EFR3A: variants seen among roughly 807,000 people sequenced by gnomAD.
EFR3A encodes protein EFR3 homolog A.
EFR3A carries 76 observed loss-of-function variants against 104.4 expected under a neutral mutation model. That is an observed-to-expected ratio of 0.73 (90% CI 0.60 to 0.88). The LOEUF is 0.88. Ranked by LOEUF, EFR3A falls within the 40% of genes least tolerant of loss-of-function variation. EFR3A has a pLI of 0.00. For missense variants in EFR3A, 985 were observed against 1,012.5 expected, an observed-to-expected ratio of 0.97 and a Z score of 0.37; for synonymous variants, 330 against 330.0, an observed-to-expected ratio of 1.00 and a Z score of 0.00.
intron 3 of EFR3A, among the ~76,000 whole-genome samples, chr8:131,946,227 T>C (rs1475663437): frequency 3.3e-5 from 5 of 152,054 alleles, no homozygotes; most frequent in Non-Finnish European, 5.9e-5. Context: ...ACAAAGTTAA[T>C]GTTAAGCTCA....
chr8:131,957,348 G>GTTTTTTTTTT (rs1182295730), intron 7 of EFR3A, among the ~76,000 whole-genome samples: 5 of 142,020 alleles, frequency 3.5e-5, no homozygotes, highest in African/African-American at 1.4e-4. Flanking sequence ...TAGGGCCAGG[G>GTTTTTTTTTT]TCTTTTTTTT....
Position 131,968,346 on chromosome 8 carries a change from C to A in EFR3A, c.907C>A (p.Arg303Ser), listed in dbSNP as rs922734695. Reference protein sequence around the residue: ...IQEILGHLDARKKDAPRVRAG... With the variant: ...IQEILGHLDASKKDAPRVRAG... ...GGAGATTCTAGGACACCTTGATGCT[C>A]GTAAAAAAGATGCTCCCCGGGTTCG... Residue 303 changes from arginine (R) to serine (S), a missense_variant, in exon 9 of 23, where the codon CGT becomes AGT. By Grantham distance (110) the Arg-to-Ser change is moderately radical (BLOSUM62 -1). Coordinates refer to ENST00000254624, the MANE Select transcript of EFR3A (RefSeq NM_015137.6). The A allele has an allele frequency of 3.1e-6, 5 of 1,613,286 alleles. No homozygotes were observed. The highest frequency in any genetic ancestry group is 3.4e-6 in the Non-Finnish European group (4 of 1,179,526).
chr8:131,976,989 A>T, intron 11 of EFR3A, 52 bp from the exon 12 acceptor site: 1 of 1,228,850 alleles, frequency 8.1e-7, no homozygotes, highest in Non-Finnish European at 1.2e-6. Context: ...GAAGTAAATG[A>T]AGTAATATAA....
At chr8:131,969,627 A>G (rs1490930064) in intron 9 of EFR3A, among the ~76,000 whole-genome samples, 1 of 151,352 alleles carries the variant, frequency 6.6e-6, no homozygotes, top group African/African-American at 2.4e-5. Flanking sequence ...GACCAACTGT[A>G]TTCCTTTGTT....
chr8:131,965,195 C>T (rs1037435208), intron 8 of EFR3A, among the ~76,000 whole-genome samples: 3 of 152,110 alleles, frequency 2.0e-5, no homozygotes, highest in African/African-American at 7.2e-5. Flanking sequence ...GCAATGGCAA[C>T]AAAAGCCACA....
At chr8:131,908,209 T>C (rs1176448991) in intron 1 of EFR3A, among the ~76,000 whole-genome samples, 1 of 152,034 alleles carries the variant, frequency 6.6e-6, no homozygotes, top group Non-Finnish European at 1.5e-5. Context: ...TACAGGCATG[T>C]GCCACCACGC....
At chr8:131,935,416 G>A (rs1817826283) in intron 1 of EFR3A, 4 of 354,008 alleles carry the variant, frequency 1.1e-5, no homozygotes, top group Non-Finnish European at 1.7e-5. Flanking sequence ...ATGTAAACGA[G>A]CAGTAGATTG....
intron 10 of EFR3A, 38 bp from the exon 11 acceptor site, chr8:131,975,989 T>C (rs1820306601): frequency 7.7e-7 from 1 of 1,300,316 alleles, no homozygotes; most frequent in Non-Finnish European, 1.1e-6. Flanking sequence ...AAAAGTAGAC[T>C]TTTTCAGTTT....
At chr8:131,935,501 T>C in intron 1 of EFR3A, 1 of 448,676 alleles carries the variant, frequency 2.2e-6, no homozygotes, top group South Asian at 1.6e-5. Flanking sequence ...CACTGTCATT[T>C]AAAAGTATGA....
At chr8:131,969,367 A>G (rs1819926183) in intron 9 of EFR3A, among the ~76,000 whole-genome samples, 1 of 152,068 alleles carries the variant, frequency 6.6e-6, no homozygotes, top group Non-Finnish European at 1.5e-5. Flanking sequence ...CTCTGCAGGT[A>G]CTCAAATTCT....
Position 131,906,249 on chromosome 8 carries a change from C to A in EFR3A, c.10+1927C>A, listed in dbSNP as rs1395593520. ...GAAATTCTGTTTGTAGAATATATAT[C>A]CAACACAGAGATGGCAAAATTGTTA... On this transcript the variant is annotated intron_variant, in intron 1 of 22. Transcript: ENST00000254624. Among the ~76,000 whole-genome samples the A allele has an allele frequency of 3.3e-5, 5 of 152,222 alleles. No individual in the cohort carries two copies. The East Asian group carries it at 9.6e-4, about 29-fold the overall frequency.
intron 19 of EFR3A, chr8:132,000,927 T>C (rs1397490622): frequency 3.9e-5 from 6 of 152,184 alleles, no homozygotes; most frequent in African/African-American, 1.4e-4. Context: ...TCTTTTGCTT[T>C]CATTAGTCTT....
At chr8:131,942,163 T>G (rs987133228) in intron 2 of EFR3A, among the ~76,000 whole-genome samples, 4 of 152,036 alleles carry the variant, frequency 2.6e-5, no homozygotes, top group Admixed American at 1.3e-4. Context: ...GAAATGACCA[T>G]AGGTAAATTA....
chr8:131,914,650 CTTTTA>C, intron 1 of EFR3A, among the ~76,000 whole-genome samples: 1 of 151,300 alleles, frequency 6.6e-6, no homozygotes, highest in Non-Finnish European at 1.5e-5. Context: ...TTTTTTTTAA[CTTTTA>C]TTTTAGGTTC....
rs143085281 is a variant in EFR3A, at chr8:131,946,596, C to G, written c.329C>G (p.Ser110Trp). Residue 110 changes from serine to tryptophan, a missense_variant, in exon 4 of 23, where the codon TCG becomes TGG. Transcript: ENST00000254624. ...CATATGGTGGCAAAGCTGCTGGAAT[C>G]GGGGGAACCAAAGCTTCAAGTTCTT... ...FLHMVAKLLESGEPKLQVLGT... is the reference protein window; with the variant it reads ...FLHMVAKLLEWGEPKLQVLGT... 53 of 1,603,786 alleles carry G rather than the reference C, an allele frequency of 3.3e-5. No individual in the cohort carries two copies. The highest frequency in any genetic ancestry group is 4.0e-5 in the Non-Finnish European group (47 of 1,175,252).
chr8:132,000,447 C>G (rs1821732367), intron 19 of EFR3A, among the ~76,000 whole-genome samples: 1 of 152,102 alleles, frequency 6.6e-6, no homozygotes, highest in South Asian at 2.1e-4. Flanking sequence ...GTTCTTGATG[C>G]TAGGAAGCTG....
At chr8:131,971,780 CTG>C (rs976844570) in intron 10 of EFR3A, among the ~76,000 whole-genome samples, 26 of 152,168 alleles carry the variant, frequency 1.7e-4, no homozygotes, top group African/African-American at 6.0e-4. Flanking sequence ...GAGGTGCACA[CTG>C]TAACTTGCTC....
At chr8:131,928,536 A>G (rs1302189084) in intron 1 of EFR3A, among the ~76,000 whole-genome samples, 1 of 152,130 alleles carries the variant, frequency 6.6e-6, no homozygotes, top group Non-Finnish European at 1.5e-5. Context: ...ATCCTCATAA[A>G]GGAAATTTCT....
At chr8:131,975,982 A>G (rs1206907408) in intron 10 of EFR3A, 45 bp from the exon 11 acceptor site, 4 of 1,210,290 alleles carry the variant, frequency 3.3e-6, no homozygotes, top group Admixed American at 4.3e-5. Flanking sequence ...TATATGGAAA[A>G]GTAGACTTTT....
Sources: allele counts gnomAD v4.1 joint callset (sites outside exome capture counted in the v4.1 genomes callset), GRCh38; gene constraint gnomAD v4.1.1; transcripts MANE v1.5; gene names NCBI Gene and HGNC (gene_info 2026-07-23, HGNC 2026-07-21).